The following ITPRID1 variants were observed in gnomAD, a reference collection of about 807,000 sequenced individuals.
ITPRID1 encodes ITPR interacting domain containing 1, also known as protein ITPRID1.
ITPRID1 carries 96 observed loss-of-function variants against 95.4 expected under a neutral mutation model. That is an observed-to-expected ratio of 1.01 (90% CI 0.85 to 1.19). The LOEUF (loss-of-function observed/expected upper bound fraction) is 1.19. ITPRID1 is among the 50% of genes most tolerant of loss of function. The probability of loss-of-function intolerance (pLI) is 0.00; values close to 1 mark genes in which losing one functional copy is unlikely to be tolerated. For missense variants in ITPRID1, 1,339 were observed against 1,252.9 expected, an observed-to-expected ratio of 1.07 and a Z score of -1.04; for synonymous variants, 510 against 453.6, an observed-to-expected ratio of 1.12 and a Z score of -1.58.
At chr7:31,561,095 G>A (rs1049089560) in intron 5 of ITPRID1, among the ~76,000 whole-genome samples, 3 of 152,270 alleles carry the variant, frequency 2.0e-5, no homozygotes, top group South Asian at 2.1e-4. Context: ...GAGCAGGAAC[G>A]ACACCGTAAC....
At chr7:31,582,466 A>AT (rs1217934790) in intron 9 of ITPRID1, among the ~76,000 whole-genome samples, 1 of 152,034 alleles carries the variant, frequency 6.6e-6, no homozygotes, top group African/African-American at 2.4e-5. Context: ...GCCCAGGCTG[A>AT]TTTTAACCAC....
chr7:31,562,067 AAAAG>A (rs1309917822), intron 5 of ITPRID1, among the ~76,000 whole-genome samples: 3 of 134,960 alleles, frequency 2.2e-5, no homozygotes, highest in South Asian at 2.5e-4. Flanking sequence ...AAAAAAAAAA[AAAAG>A]CCTGGAGAGA....
chr7:31,614,736 T>G (rs1787044362), intron 10 of ITPRID1, among the ~76,000 whole-genome samples: 1 of 152,220 alleles, frequency 6.6e-6, no homozygotes, highest in Non-Finnish European at 1.5e-5. Context: ...TTATAGTGGG[T>G]GGCCAGGAAA....
intron 11 of ITPRID1, among the ~76,000 whole-genome samples, chr7:31,642,465 G>C (rs1351510132): frequency 1.3e-5 from 2 of 152,224 alleles, no homozygotes; most frequent in African/African-American, 2.4e-5. Context: ...CAAGGTGCCG[G>C]AAAGTGTGGC....
intron 2 of ITPRID1, 41 bp from the exon 3 acceptor site, chr7:31,552,959 TGA>T (rs1377069445): frequency 1.3e-6 from 2 of 1,547,568 alleles, no homozygotes; most frequent in Admixed American, 3.9e-5. Context: ...GCCCAGAAGC[TGA>T]ACTCATCGTG....
At chr7:31,617,623 C>CTAAATGATTTAATGCTCCATCTT (rs1787384817) in intron 10 of ITPRID1, among the ~76,000 whole-genome samples, 2 of 141,154 alleles carry the variant, frequency 1.4e-5, no homozygotes, top group East Asian at 4.3e-4. Flanking sequence ...CTTTTACCTT[C>CTAAATGATTTAATGCTCCATCTT]TAAATGATTT....
At position 31,653,060 on chromosome 7, in the gene ITPRID1, C is replaced by T; in HGVS notation, c.*231C>T. On this transcript the variant is annotated 3_prime_UTR_variant, in exon 15 of 15. Transcript: ENST00000615280. ...CCTGGCACAGAGTATGCAACAGTGA[C>T]TAAATAGTATACGGTCTCTGCCCTG... 9.1e-7 allele frequency: 1 copy of T among 1,095,156 alleles called. No homozygotes were observed. The highest frequency in any genetic ancestry group is 1.2e-6 in the Non-Finnish European group (1 of 810,664). The allele number at this position is 1,095,156 out of a possible 1,614,324, so 67.8% of individuals were successfully genotyped here. A position where few individuals can be genotyped will look rare whatever the true frequency, so the allele number is the denominator to read the frequency against.
At chr7:31,561,707 G>T (rs1025544900) in intron 5 of ITPRID1, among the ~76,000 whole-genome samples, 1 of 152,144 alleles carries the variant, frequency 6.6e-6, no homozygotes, top group Non-Finnish European at 1.5e-5. Context: ...TCTCCAGGGC[G>T]TTGTCTGTTC....
intron 10 of ITPRID1, among the ~76,000 whole-genome samples, chr7:31,609,987 A>C (rs1299014107): frequency 3.3e-5 from 5 of 150,954 alleles, no homozygotes; most frequent in Non-Finnish European, 7.4e-5. Context: ...TTTGGTTTTC[A>C]CTCATCTTGA....
At chr7:31,596,445 AAAAATTTTTAAGT>A in intron 10 of ITPRID1, among the ~76,000 whole-genome samples, 1 of 151,690 alleles carries the variant, frequency 6.6e-6, no homozygotes, top group East Asian at 1.9e-4. Context: ...AAATAGAGGC[AAAAATTTTTAAGT>A]AAACTAATGG....
At chr7:31,544,647 A>T (rs2128134005) in intron 1 of ITPRID1, among the ~76,000 whole-genome samples, 1 of 152,274 alleles carries the variant, frequency 6.6e-6, no homozygotes, top group African/African-American at 2.4e-5. Context: ...TCTGCCTCAT[A>T]ACATAGTTTG....
At chr7:31,565,373 G>A (rs1184074923) in intron 5 of ITPRID1, among the ~76,000 whole-genome samples, 1 of 152,200 alleles carries the variant, frequency 6.6e-6, no homozygotes, top group Non-Finnish European at 1.5e-5. Context: ...CTCAGCAGCA[G>A]AGAAGGCTGT....
chr7:31,526,216 A>G (rs1214440762), intron 1 of ITPRID1, among the ~76,000 whole-genome samples: 1 of 152,212 alleles, frequency 6.6e-6, no homozygotes, highest in Non-Finnish European at 1.5e-5. Flanking sequence ...TCCTTCCTCA[A>G]AATAACTTTA....
chr7:31,522,167 G>A (rs573186395), intron 1 of ITPRID1, among the ~76,000 whole-genome samples: 28 of 151,874 alleles, frequency 1.8e-4, no homozygotes, highest in African/African-American at 4.1e-4. Context: ...ATATTTCTCC[G>A]ATGCTGCTCC....
At chr7:31,576,769 T>C (rs1392139505) in intron 8 of ITPRID1, among the ~76,000 whole-genome samples, 1 of 152,180 alleles carries the variant, frequency 6.6e-6, no homozygotes, top group Admixed American at 6.5e-5. Flanking sequence ...AAAGACAGCA[T>C]CCTTGCCCAC....
intron 10 of ITPRID1, among the ~76,000 whole-genome samples, chr7:31,617,929 TTTGTAGTAAAGAAAA>T (rs1787423018): frequency 6.6e-6 from 1 of 152,204 alleles, no homozygotes; most frequent in African/African-American, 2.4e-5. Context: ...CCCTTTTCTA[TTTGTAGTAAAGAAAA>T]TGGTAGGAAA....
chr7:31,553,132 G>A lies in ITPRID1; in HGVS notation c.108G>A (p.Glu36=). 1 of 1,595,686 alleles carries A rather than the reference G, an allele frequency of 6.3e-7. No homozygotes were observed. The highest frequency in any genetic ancestry group is 1.3e-5 in the African/African-American group (1 of 74,712). Residue 36 remains glutamate (E), a synonymous_variant, in exon 3 of 15, where the codon GAG becomes GAA. Transcript: ENST00000615280. ...AAAGCGCGTGGGCTCCGCTGGATGA[G>A]TGGCTGCCCCCTGACCCTGAGGAGG... ...CTKSAWAPLD[E]WLPPDPEEES...
Position 31,577,872 on chromosome 7 carries a change from G to A in ITPRID1, c.608G>A (p.Arg203Gln), listed in dbSNP as rs757044575. The A allele has an allele frequency of 1.0e-5, 16 of 1,590,998 alleles. No homozygotes were observed. Among genetic ancestry groups the A allele is most frequent in the Admixed American group, 5.3e-5 (3 of 56,126 alleles). Residue 203 changes from arginine (R) to glutamine (Q), a missense_variant, in exon 9 of 15, where the codon CGA becomes CAA. By Grantham distance (43) the Arg-to-Gln change is conservative. Transcript: ENST00000615280. ...TTCTTGTGTTGTGCAGGTCGTTTCCGACAGCTGGAAATCCTGGACCATGTG... is the reference window on the plus strand; with the variant it reads ...TTCTTGTGTTGTGCAGGTCGTTTCCAACAGCTGGAAATCCTGGACCATGTG... The part of the protein sequence containing the change: ...IENPNLYGRF[R>Q]QLEILDHVTN...
rs1174379962 is a variant in ITPRID1 at position 31,574,760 on chromosome 7, G to A, written c.598+18G>A. Reference sequence around the variant, plus strand: ...CTTGTACGGTAAGCGAGGTGCCTGTGGCATTCGCATCTCAGCATTGGGAAT... The same window carrying A: ...CTTGTACGGTAAGCGAGGTGCCTGTAGCATTCGCATCTCAGCATTGGGAAT... On this transcript the variant is annotated intron_variant, in intron 8 of 14. Coordinates refer to ENST00000615280, the MANE Select transcript of ITPRID1 (RefSeq NM_001257967.3). 10 of 1,611,892 alleles carry A rather than the reference G, an allele frequency of 6.2e-6. No homozygotes were observed. Among genetic ancestry groups the A allele is most frequent in the Non-Finnish European group, 7.6e-6 (9 of 1,178,556 alleles).
Sources: gnomAD v4.1 joint callset for allele counts (sites outside exome capture counted in the v4.1 genomes callset) on GRCh38, gnomAD v4.1.1 for gene constraint, MANE v1.5 for transcripts, NCBI Gene and HGNC (gene_info 2026-07-23, HGNC 2026-07-21) for gene names.